The following VGLL4 variants were observed in gnomAD, a reference collection of about 807,000 sequenced individuals.
The protein encoded by VGLL4 is transcription cofactor vestigial-like protein 4.
VGLL4 carries 7 observed loss-of-function variants against 21.0 expected under a neutral mutation model. That is an observed-to-expected ratio of 0.33 (90% CI 0.19 to 0.63). The LOEUF (loss-of-function observed/expected upper bound fraction) is 0.63. VGLL4 is among the 20% of genes least tolerant of loss of function. The probability of loss-of-function intolerance (pLI) is 0.78; values close to 1 mark genes in which losing one functional copy is unlikely to be tolerated. For synonymous variants in VGLL4, 222 were observed against 173.2 expected (o/e 1.28, Z -2.21); for missense variants, 394 against 425.7 (o/e 0.93, Z 0.66).
chr3:11,601,416 T>C (rs2074794190), intron 2 of VGLL4, among the ~76,000 whole-genome samples: 1 of 152,224 alleles, frequency 6.6e-6, no homozygotes, highest in Non-Finnish European at 1.5e-5. Context: ...TACAGACGTC[T>C]GCTTGGTCAA....
chr3:11,653,464 A>G lies in VGLL4; in HGVS notation c.64+49507T>C, dbSNP rs570575640. On this transcript the variant is annotated intron_variant, in intron 2 of 5. Coordinates refer to the VGLL4 transcript ENST00000273038. The surrounding 1 kb of genome is among the most constrained non-coding windows in gnomAD (Gnocchi z 4.2). Reference sequence around the variant, plus strand: ...TAGCATTATTTTTATGTGCAGTTGCATAGCATTCATTTGCATTGCTGTCTA... The same window carrying G: ...TAGCATTATTTTTATGTGCAGTTGCGTAGCATTCATTTGCATTGCTGTCTA... Among the ~76,000 whole-genome samples the G allele has an allele frequency of 6.6e-6, 1 of 152,322 alleles. No homozygotes were observed. Among genetic ancestry groups the G allele is most frequent in the South Asian group, 2.1e-4 (1 of 4,826 alleles).
chr3:11,675,969 T>C (rs2076282694), intron 2 of VGLL4, among the ~76,000 whole-genome samples: 1 of 152,234 alleles, frequency 6.6e-6, no homozygotes, highest in African/African-American at 2.4e-5. Context: ...AGAACCTAAT[T>C]TACTTTATCA....
chr3:11,687,396 G>A (rs1166469524), intron 2 of VGLL4, among the ~76,000 whole-genome samples: 1 of 152,120 alleles, frequency 6.6e-6, no homozygotes. Context: ...ATTCACAAAG[G>A]TCTTAACATG....
intron 2 of VGLL4, among the ~76,000 whole-genome samples, chr3:11,692,733 G>GT (rs1259057860): frequency 1.7e-5 from 2 of 119,314 alleles, no homozygotes; most frequent in African/African-American, 3.3e-5. Flanking sequence ...GTTTGGGTTG[G>GT]TTTTTTTGAG....
intron 1 of VGLL4, among the ~76,000 whole-genome samples, chr3:11,640,278 C>T (rs1575483874): frequency 6.6e-6 from 1 of 152,136 alleles, no homozygotes; most frequent in East Asian, 1.9e-4. Context: ...AGACAGAATG[C>T]TCTGCCTTCA....
At chr3:11,681,220 C>A (rs1559941719) in intron 2 of VGLL4, among the ~76,000 whole-genome samples, 1 of 152,138 alleles carries the variant, frequency 6.6e-6, no homozygotes, top group Non-Finnish European at 1.5e-5. Context: ...GCCTCAGCCT[C>A]CCGAGTAGCT....
chr3:11,650,314 A>T (rs1162828968), intron 2 of VGLL4, among the ~76,000 whole-genome samples: 8 of 152,200 alleles, frequency 5.3e-5, no homozygotes, highest in Non-Finnish European at 1.2e-4. Flanking sequence ...GATAGAAGAA[A>T]GCCCAGGCTA....
chr3:11,646,808 C>A (rs898639689), upstream of VGLL4, among the ~76,000 whole-genome samples: 1 of 152,266 alleles, frequency 6.6e-6, no homozygotes, highest in African/African-American at 2.4e-5. Flanking sequence ...CCAGCCACAG[C>A]CACCACGTCT....
rs993255251 is a variant in VGLL4 at position 11,703,664 on chromosome 3, C to T, written c.-13-617G>A. ...CTTAAATTACAGCATACTATAAAAGCTAAAACAGCAAAAGATTTAAAGCTC... is the reference window on the plus strand; with the variant it reads ...CTTAAATTACAGCATACTATAAAAGTTAAAACAGCAAAAGATTTAAAGCTC... On this transcript the variant is annotated intron_variant, in intron 1 of 5. Transcript: ENST00000273038. Among the ~76,000 whole-genome samples the T allele has an allele frequency of 1.1e-4, 16 of 152,070 alleles. No homozygotes were observed. In the South Asian group the frequency reaches 3.1e-3, roughly 30 times the overall value.
In VGLL4 at chr3:11,568,879, GC is replaced by G; in HGVS notation, c.273-3861del. On this transcript the variant is annotated intron_variant, in intron 2 of 4. Transcript: ENST00000430365. The surrounding 1 kb of genome is among the most constrained non-coding windows in gnomAD (Gnocchi z 5.9). ...CTATCAGAGCCGCTGAGGCTGCACG[GC>G]ACCCGGCCCCGCCCCGGGCCTCATC... is the stretch of plus-strand genomic sequence containing the variant. 7.4e-7 allele frequency: 1 copy of G among 1,344,060 alleles called. No homozygotes were observed. The highest frequency in any genetic ancestry group is 1.5e-5 in the African/African-American group (1 of 67,340). The allele number at this position is 1,344,060 out of a possible 1,614,324, so 83.3% of individuals were successfully genotyped here.
chr3:11,604,717 G>C (rs2074892543), intron 1 of VGLL4: 1 of 188,000 alleles, frequency 5.3e-6, no homozygotes. Context: ...CATACAACAA[G>C]GGGCTGGACT....
At chr3:11,616,439 T>G (rs1228735865) in intron 1 of VGLL4, among the ~76,000 whole-genome samples, 1 of 152,234 alleles carries the variant, frequency 6.6e-6, no homozygotes, top group Non-Finnish European at 1.5e-5. Context: ...TAGACCCAGC[T>G]CATTCCCTAG....
chr3:11,570,019 A>G (rs2073710388), intron 2 of VGLL4, among the ~76,000 whole-genome samples: 2 of 152,194 alleles, frequency 1.3e-5, no homozygotes, highest in South Asian at 4.1e-4. Context: ...AGCTTTTTAA[A>G]TAATAAAATT....
At chr3:11,643,047 A>G (rs764525330) in intron 1 of VGLL4, among the ~76,000 whole-genome samples, 2 of 152,212 alleles carry the variant, frequency 1.3e-5, no homozygotes, top group Admixed American at 1.3e-4. Flanking sequence ...AGGGTACAGT[A>G]GACGGTGCAA....
At chr3:11,561,643 G>A (rs900124034) in intron 3 of VGLL4, among the ~76,000 whole-genome samples, 7 of 152,188 alleles carry the variant, frequency 4.6e-5, no homozygotes, top group Admixed American at 3.3e-4. Context: ...GATGGTGAGC[G>A]TTTATGGGAT....
At chr3:11,694,731 A>G (rs1397237660) in intron 2 of VGLL4, among the ~76,000 whole-genome samples, 1 of 152,216 alleles carries the variant, frequency 6.6e-6, no homozygotes. Context: ...AAATTTTACA[A>G]GAGTTTGCAA....
intron 2 of VGLL4, among the ~76,000 whole-genome samples, chr3:11,572,797 T>A (rs2073827563): frequency 6.6e-6 from 1 of 152,174 alleles, no homozygotes; most frequent in South Asian, 2.1e-4. Flanking sequence ...TATTCTTCCA[T>A]ACGAATACAC....
intron 3 of VGLL4, among the ~76,000 whole-genome samples, chr3:11,564,515 G>C: frequency 6.6e-6 from 1 of 152,218 alleles, no homozygotes; most frequent in South Asian, 2.1e-4. Context: ...AGAGGAAAGA[G>C]ATGAAGCCCC....
At chr3:11,561,500 G>T (rs1448889759) in intron 3 of VGLL4, among the ~76,000 whole-genome samples, 1 of 152,172 alleles carries the variant, frequency 6.6e-6, no homozygotes, top group Non-Finnish European at 1.5e-5. Context: ...CCAGGCTGCA[G>T]GGTGGCCCGT....
Sources: allele counts gnomAD v4.1 joint callset (sites outside exome capture counted in the v4.1 genomes callset), GRCh38; gene constraint gnomAD v4.1.1; non-coding constraint Gnocchi (gnomAD v3.1); transcripts MANE v1.5; gene names NCBI Gene and HGNC (gene_info 2026-07-23, HGNC 2026-07-21).